RNF150: variants seen among roughly 807,000 people sequenced by gnomAD.
RNF150 encodes the protein ring finger protein 150.
In RNF150, 24 loss-of-function variants were observed where a neutral mutation model predicts 39.3. That is an observed-to-expected ratio of 0.61 (90% CI 0.44 to 0.86). The LOEUF (loss-of-function observed/expected upper bound fraction) is 0.86, where lower values mean the gene tolerates loss of function less well. RNF150 is among the 40% of genes least tolerant of loss of function. The probability of loss-of-function intolerance (pLI) is 0.00; values close to 1 mark genes in which losing one functional copy is unlikely to be tolerated. For missense variants in RNF150, 502 were observed against 587.8 expected (o/e 0.85, Z 1.51); for synonymous variants, 255 against 227.3 (o/e 1.12, Z -1.10).
At chr4:141,011,289 G>A (rs909450246) in intron 1 of RNF150, among the ~76,000 whole-genome samples, 2 of 151,546 alleles carry the variant, frequency 1.3e-5, no homozygotes, top group African/African-American at 4.9e-5. Flanking sequence ...TTAAAATTAT[G>A]CCATAATGAG....
chr4:141,017,055 G>A (rs1022870677), intron 1 of RNF150, among the ~76,000 whole-genome samples: 1 of 151,720 alleles, frequency 6.6e-6, no homozygotes, highest in Admixed American at 6.6e-5. Context: ...TGTAAAACAC[G>A]TGAACATGTG....
chr4:141,077,045 A>C (rs1255804191), intron 1 of RNF150, among the ~76,000 whole-genome samples: 2 of 152,168 alleles, frequency 1.3e-5, no homozygotes, highest in African/African-American at 4.8e-5. Flanking sequence ...CACCTGGTTT[A>C]GGGTTGTGGC....
rs1345457282 is a variant in RNF150, at chr4:140,992,545, G to A, written c.485-24672C>T. ...GGGCCTTGCTCCCACTGCTGTTAGCGGGAGAGAGGAGAGGCACTACAGACT... is the reference window on the plus strand; with the variant it reads ...GGGCCTTGCTCCCACTGCTGTTAGCAGGAGAGAGGAGAGGCACTACAGACT... On this transcript the variant is annotated intron_variant, in intron 1 of 6. Transcript: ENST00000515673. 2.0e-5 allele frequency among the ~76,000 whole-genome samples: 3 copies of A among 152,110 alleles called. 1 individual carries two copies. The highest frequency in any genetic ancestry group is 3.9e-4 in the East Asian group (2 of 5,188).
intron 1 of RNF150, among the ~76,000 whole-genome samples, chr4:141,060,272 T>A (rs1276694589): frequency 2.0e-5 from 3 of 152,206 alleles, no homozygotes; most frequent in East Asian, 3.9e-4. Context: ...GAGACCTCCA[T>A]CTCTACAAAA....
intron 1 of RNF150, among the ~76,000 whole-genome samples, chr4:141,186,106 G>T (rs1728003638): frequency 6.6e-6 from 1 of 152,192 alleles, no homozygotes; most frequent in Non-Finnish European, 1.5e-5. Context: ...AGAAGGAATG[G>T]TACCAGCTCC....
Position 140,960,870 on chromosome 4 carries a change from C to T in RNF150, c.735+6753G>A, listed in dbSNP as rs537706585. On this transcript the variant is annotated intron_variant, in intron 2 of 6. Transcript: ENST00000515673. ...TATATTTTCCAAGAATTGCTTTATC[C>T]ACTAAACGTGACCCATTTAACAACC... Among the ~76,000 whole-genome samples the T allele has an allele frequency of 4.6e-5, 7 of 152,168 alleles. No individual in the cohort carries two copies. In the South Asian group the frequency reaches 1.5e-3, roughly 32 times the overall value.
At chr4:141,004,644 C>T (rs983850056) in intron 1 of RNF150, among the ~76,000 whole-genome samples, 1 of 152,156 alleles carries the variant, frequency 6.6e-6, no homozygotes, top group Non-Finnish European at 1.5e-5. Context: ...CTTGTGTCAT[C>T]AATTCTATAT....
chr4:140,919,523 A>G (rs1731010513), intron 5 of RNF150, among the ~76,000 whole-genome samples: 1 of 151,300 alleles, frequency 6.6e-6, no homozygotes, highest in African/African-American at 2.4e-5. Flanking sequence ...ACCACCCCTC[A>G]ATGAAATAAA....
chr4:140,954,217 CTTA>C (rs1287168627), intron 2 of RNF150, among the ~76,000 whole-genome samples: 5 of 151,974 alleles, frequency 3.3e-5, no homozygotes, highest in African/African-American at 4.8e-5. Context: ...GCTTCTTCTT[CTTA>C]TTATTATTTT....
intron 1 of RNF150, among the ~76,000 whole-genome samples, chr4:141,046,516 T>C (rs974774397): frequency 7.2e-5 from 11 of 152,316 alleles, no homozygotes; most frequent in Admixed American, 1.3e-4. Flanking sequence ...AGGGCCAAAC[T>C]TGAAGTTCAC....
At position 141,133,035 on chromosome 4, in the gene RNF150, C is replaced by T. The variant is rs928771401; in HGVS notation, c.-227G>A. On this transcript the variant is annotated 5_prime_UTR_variant, in exon 1 of 7. Coordinates refer to ENST00000515673, the MANE Select transcript of RNF150 (RefSeq NM_020724.2). ...GCTGTAGCGCGGTGGTTGCATTTTG[C>T]TTCTTGGGCGCCCGGGGGGCGCGGG... 4.6e-5 allele frequency: 21 copies of T among 458,240 alleles called. No homozygotes were observed. The highest frequency in any genetic ancestry group is 8.1e-5 in the Non-Finnish European group (21 of 258,706). The allele number at this position is 458,240 out of a possible 1,614,324, so 28.4% of individuals were successfully genotyped here.
At chr4:140,975,396 G>A (rs1425433) in intron 1 of RNF150, among the ~76,000 whole-genome samples, 46,089 of 152,084 alleles carry the variant, frequency 0.3, 7,838 homozygotes, top group East Asian at 0.71. Context: ...GGTATCTGCA[G>A]GTGGTCCTGG....
Position 141,084,694 on chromosome 4 carries a change from C to G in RNF150, c.484+47631G>C, listed in dbSNP as rs553614938. Among the ~76,000 whole-genome samples the G allele has an allele frequency of 3.3e-5, 5 of 152,242 alleles. No homozygotes were observed. In the Middle Eastern group the frequency reaches 0.017, roughly 518 times the overall value. On this transcript the variant is annotated intron_variant, in intron 1 of 6. Coordinates refer to ENST00000515673, the MANE Select transcript of RNF150 (RefSeq NM_020724.2). ...TATACTTAGGAATAAGCCTGGAGAA[C>G]AAAGAGGTGAAATGATGGTGAAATA...
chr4:140,972,327 T>C (rs1325214284), intron 1 of RNF150, among the ~76,000 whole-genome samples: 2 of 152,126 alleles, frequency 1.3e-5, no homozygotes, highest in Admixed American at 1.3e-4. Context: ...TAAACACAGA[T>C]GTAAAAATCC....
chr4:140,943,157 TC>T (rs1732153644), intron 4 of RNF150, among the ~76,000 whole-genome samples: 1 of 152,202 alleles, frequency 6.6e-6, no homozygotes, highest in Non-Finnish European at 1.5e-5. Flanking sequence ...GGGTCTTTGG[TC>T]AGTTTATGCA....
At position 141,032,610 on chromosome 4, in the gene RNF150, G is replaced by GA. The variant is rs1015109121; in HGVS notation, c.485-64738dup. Among the ~76,000 whole-genome samples, 138 of 150,146 alleles carry GA rather than the reference G, an allele frequency of 9.2e-4. 1 individual carries two copies. The highest frequency in any genetic ancestry group is 3.1e-3 in the African/African-American group (126 of 40,870). The stretch of plus-strand genomic sequence containing the variant: ...TCATTATATCTAAATAAAGCTCTGT[G>GA]AAAAAAAAAGAATCTTCTGGACCCC... On this transcript the variant is annotated intron_variant, in intron 1 of 6. Coordinates refer to ENST00000515673, the MANE Select transcript of RNF150 (RefSeq NM_020724.2).
At chr4:141,011,162 C>T (rs1036717405) in intron 1 of RNF150, among the ~76,000 whole-genome samples, 14 of 151,482 alleles carry the variant, frequency 9.2e-5, no homozygotes, top group South Asian at 2.1e-4. Flanking sequence ...AAATAGTTAC[C>T]GGAAAGCAAG....
chr4:140,891,673 G>A (rs373248009), intron 6 of RNF150, among the ~76,000 whole-genome samples: 12 of 152,126 alleles, frequency 7.9e-5, no homozygotes, highest in African/African-American at 2.4e-4. Flanking sequence ...ATAAAATGGT[G>A]TAGAATCTGC....
At chr4:140,935,776 G>T (rs1731841196) in intron 4 of RNF150, among the ~76,000 whole-genome samples, 1 of 152,104 alleles carries the variant, frequency 6.6e-6, no homozygotes, top group South Asian at 2.1e-4. Context: ...TGGTACTTAA[G>T]TTTTTTTCCA....
Sources: gnomAD v4.1 joint callset for allele counts (sites outside exome capture counted in the v4.1 genomes callset) on GRCh38, gnomAD v4.1.1 for gene constraint, MANE v1.5 for transcripts, NCBI Gene and HGNC (gene_info 2026-07-23, HGNC 2026-07-21) for gene names.